ORC5: variants seen among roughly 807,000 people sequenced by gnomAD.
ORC5 encodes origin recognition complex subunit 5.
Under a neutral mutation model 58.8 loss-of-function variants are expected in ORC5, and 39 were observed. The ratio of observed to expected loss-of-function variants is 0.66; its 90% CI spans 0.51 to 0.87. The LOEUF is 0.87. Among genes scored for constraint, ORC5 ranks in the 40% least tolerant of loss-of-function variants. The pLI, the probability that ORC5 is intolerant of heterozygous loss-of-function variation, is 0.00. For missense variants in ORC5, 493 were observed against 506.3 expected, an observed-to-expected ratio of 0.97 and a Z score of 0.25; for synonymous variants, 218 against 177.6, an observed-to-expected ratio of 1.23 and a Z score of -1.81.
chr7:104,138,511 TTTC>T lies in ORC5; in HGVS notation c.1150-1621_1150-1619del, dbSNP rs1158326651. 3.3e-5 allele frequency among the ~76,000 whole-genome samples: 5 copies of T among 151,804 alleles called. No individual in the cohort carries two copies. Among genetic ancestry groups the T allele is most frequent in the African/African-American group, 4.8e-5 (2 of 41,242 alleles). Reference sequence around the variant, plus strand: ...TTTAAAACTTTCTTTCCTTCTTTTCTTTCTTTTTTTTTTTCTGAGGCAGGGTCT... The same window carrying T: ...TTTAAAACTTTCTTTCCTTCTTTTCTTTTTTTTTTTTCTGAGGCAGGGTCT... On this transcript the variant is annotated intron_variant, in intron 12 of 13. Transcript: ENST00000297431. This position sits in a 1 kb window ranked among gnomAD's most constrained non-coding sequence, Gnocchi z 4.7.
chr7:104,143,614 G>A (rs1798708754), intron 12 of ORC5, among the ~76,000 whole-genome samples: 1 of 151,982 alleles, frequency 6.6e-6, no homozygotes, highest in Non-Finnish European at 1.5e-5. Flanking sequence ...GGGTAGGGAT[G>A]ATTTAGGAAA....
intron 6 of ORC5, among the ~76,000 whole-genome samples, chr7:104,184,661 G>A (rs768146197): frequency 8.6e-5 from 13 of 150,978 alleles, no homozygotes; most frequent in South Asian, 4.1e-4. Flanking sequence ...AATCAGAAGG[G>A]CTGCAAGCAC....
chr7:104,160,909 T>C (rs1230839608), intron 12 of ORC5, among the ~76,000 whole-genome samples, 163 bp downstream of exon 12: 1 of 152,172 alleles, frequency 6.6e-6, no homozygotes, highest in Non-Finnish European at 1.5e-5. Flanking sequence ...CCCCCAAAGA[T>C]TCTATATACG....
At chr7:104,205,999 C>A (rs1359028062) in intron 1 of ORC5, among the ~76,000 whole-genome samples, 2 of 152,130 alleles carry the variant, frequency 1.3e-5, no homozygotes. Context: ...GAAAGCCAAA[C>A]CCTGTCTCAA....
At chr7:104,145,782 G>A (rs998435970) in intron 12 of ORC5, among the ~76,000 whole-genome samples, 1 of 152,066 alleles carries the variant, frequency 6.6e-6, no homozygotes, top group Non-Finnish European at 1.5e-5. Context: ...GAGGGTGCGA[G>A]TCTTAGAATT....
chr7:104,126,792 G>T lies in ORC5; in HGVS notation c.*56C>A. 2.2e-6 allele frequency: 3 copies of T among 1,348,782 alleles called. No individual in the cohort carries two copies. The highest frequency in any genetic ancestry group is 3.1e-6 in the Non-Finnish European group (3 of 953,542). The allele number at this position is 1,348,782 out of a possible 1,614,324, so 83.6% of individuals were successfully genotyped here. ...TCCTTGGCCAGCTAAGTAGCTGGAT[G>T]AACACAGCTTGGCTTAGTCATTGTC... is the stretch of plus-strand genomic sequence containing the variant. On this transcript the variant is annotated 3_prime_UTR_variant, in exon 14 of 14. Transcript: ENST00000297431.
chr7:104,149,030 T>C (rs1798804702), intron 12 of ORC5, among the ~76,000 whole-genome samples: 1 of 65,146 alleles, frequency 1.5e-5, no homozygotes, highest in African/African-American at 8.2e-5. Flanking sequence ...TAAGACTCCG[T>C]CTCAAAAAAA....
In ORC5 at chr7:104,166,395, T is replaced by C. The variant is rs1193315508; in HGVS notation, c.990+377A>G. On this transcript the variant is annotated intron_variant, in intron 10 of 13. Coordinates refer to ENST00000297431, the MANE Select transcript of ORC5 (RefSeq NM_002553.4). ...AAAAACAACTCTAAACTGGGATTTC[T>C]CCAACTAATGTATGTACAGGAGAGG... is the stretch of plus-strand genomic sequence containing the variant. 2.0e-5 allele frequency among the ~76,000 whole-genome samples: 3 copies of C among 152,250 alleles called. No individual in the cohort carries two copies. The East Asian group carries it at 5.8e-4, about 29-fold the overall frequency.
intron 8 of ORC5, among the ~76,000 whole-genome samples, chr7:104,174,779 A>T (rs1168451182): frequency 6.6e-6 from 1 of 152,194 alleles, no homozygotes; most frequent in Admixed American, 6.5e-5. Context: ...AGAGGCATTT[A>T]ACTAGTATAT....
intron 5 of ORC5, among the ~76,000 whole-genome samples, chr7:104,190,189 C>G (rs1352535814): frequency 6.6e-6 from 1 of 151,572 alleles, no homozygotes; most frequent in Non-Finnish European, 1.5e-5. Flanking sequence ...AAATAGAAAA[C>G]AATGACATCT....
At chr7:104,141,461 T>C (rs1364325005) in intron 12 of ORC5, among the ~76,000 whole-genome samples, 1 of 152,196 alleles carries the variant, frequency 6.6e-6, no homozygotes, top group Non-Finnish European at 1.5e-5. Flanking sequence ...GTAAGATCTA[T>C]CTTTTGCCAC....
intron 10 of ORC5, 124 bp from the exon 11 acceptor site, chr7:104,165,406 ATTC>A (rs1388817368): frequency 2.3e-5 from 14 of 611,802 alleles, no homozygotes; most frequent in Non-Finnish European, 3.7e-5. Flanking sequence ...TTAAATAGTT[ATTC>A]TTCTTATCAC....
intron 8 of ORC5, among the ~76,000 whole-genome samples, chr7:104,182,303 AAC>A (rs1337531226): frequency 1.3e-5 from 2 of 152,210 alleles, no homozygotes; most frequent in Non-Finnish European, 2.9e-5. Flanking sequence ...TCATGATAGA[AAC>A]AGTTTTTTCG....
At chr7:104,137,131 C>T (rs1276696645) in intron 12 of ORC5, among the ~76,000 whole-genome samples, 5 of 145,632 alleles carry the variant, frequency 3.4e-5, no homozygotes, top group Non-Finnish European at 6.0e-5. Context: ...GAGATATGGT[C>T]TCGTTCTGTT....
intron 6 of ORC5, among the ~76,000 whole-genome samples, chr7:104,186,541 T>A (rs890094496): frequency 6.6e-6 from 1 of 152,154 alleles, no homozygotes; most frequent in Non-Finnish European, 1.5e-5. Context: ...AGTACTTCAT[T>A]TTCTCCTATC....
intron 6 of ORC5, among the ~76,000 whole-genome samples, chr7:104,184,942 C>G (rs1289951213): frequency 6.6e-6 from 1 of 152,150 alleles, no homozygotes; most frequent in Admixed American, 6.5e-5. Flanking sequence ...CTTTGCTCCT[C>G]TCCCTCCAAT....
rs573967771 is a variant in ORC5, at chr7:104,207,990, A to C, written c.-86T>G. The C allele has an allele frequency of 5.3e-6, 7 of 1,326,930 alleles. No homozygotes were observed. In the Middle Eastern group the frequency reaches 5.9e-4, roughly 111 times the overall value. The allele number at this position is 1,326,930 out of a possible 1,614,324, so 82.2% of individuals were successfully genotyped here. ...GAGCCTCTCCCGAGTCTGGCGGCCC[A>C]CGCTCCCGCCGGAAACCGGACCCGC... is the stretch of plus-strand genomic sequence containing the variant. On this transcript the variant is annotated 5_prime_UTR_variant, in exon 1 of 14. Coordinates refer to ENST00000297431, the MANE Select transcript of ORC5 (RefSeq NM_002553.4).
rs1304771816 is a variant in ORC5, at chr7:104,136,343, A to ACC, written c.1262+437_1262+438insGG. ...CACTAGATTTGATCTGCCTGTGACA[A>ACC]CGCACAGTAGAATGATTATGTCCCC... is the stretch of plus-strand genomic sequence containing the variant. On this transcript the variant is annotated intron_variant, in intron 13 of 13. Coordinates refer to ENST00000297431, the MANE Select transcript of ORC5 (RefSeq NM_002553.4). The surrounding 1 kb of genome is among the most constrained non-coding windows in gnomAD (Gnocchi z 4.2). Among the ~76,000 whole-genome samples, 1 of 151,980 alleles carries ACC rather than the reference A, an allele frequency of 6.6e-6. No individual in the cohort carries two copies. Among genetic ancestry groups the ACC allele is most frequent in the Non-Finnish European group, 1.5e-5 (1 of 67,994 alleles).
intron 5 of ORC5, 31 bp from the exon 6 acceptor site, chr7:104,188,412 G>T (rs200815327): frequency 7.0e-5 from 110 of 1,576,170 alleles, no homozygotes; most frequent in South Asian, 1.1e-5. Flanking sequence ...AACTTATAAT[G>T]ATTAACATAG....
Sources: gnomAD v4.1 joint callset for allele counts (sites outside exome capture counted in the v4.1 genomes callset) on GRCh38, gnomAD v4.1.1 for gene constraint, Gnocchi (gnomAD v3.1) non-coding constraint, MANE v1.5 for transcripts, NCBI Gene and HGNC (gene_info 2026-07-23, HGNC 2026-07-21) for gene names.